The following CNBD2 variants were observed in gnomAD, a reference collection of about 807,000 sequenced individuals.
CNBD2 encodes the protein cyclic nucleotide-binding domain-containing protein 2.
CNBD2 carries 64 observed loss-of-function variants against 63.7 expected under a neutral mutation model. The ratio of observed to expected loss-of-function variants is 1.00; its 90% CI spans 0.82 to 1.24. The LOEUF is 1.24. Ranked by LOEUF, CNBD2 falls within the 50% of genes most tolerant of loss-of-function variation. CNBD2 has a pLI of 0.00. For missense variants in CNBD2, 691 were observed against 713.5 expected, an observed-to-expected ratio of 0.97 and a Z score of 0.36; for synonymous variants, 229 against 255.4, an observed-to-expected ratio of 0.90 and a Z score of 0.99.
chr20:35,963,799 A>G (rs1020656449), upstream of CNBD2, among the ~76,000 whole-genome samples: 1 of 152,160 alleles, frequency 6.6e-6, no homozygotes, highest in Non-Finnish European at 1.5e-5. Flanking sequence ...TAGGCTAGCT[A>G]TGGGCGGTGA....
intron 2 of CNBD2, among the ~76,000 whole-genome samples, chr20:35,960,961 C>A (rs897394380): frequency 2.7e-4 from 40 of 150,900 alleles, no homozygotes; most frequent in African/African-American, 9.5e-4. Flanking sequence ...TCTTTCCTCT[C>A]GCTCTGTCAC....
At chr20:35,967,603 G>A (rs572299854), upstream of CNBD2, among the ~76,000 whole-genome samples, 4 of 150,610 alleles carry the variant, frequency 2.7e-5, no homozygotes, top group East Asian at 7.8e-4. Context: ...CTGTAATCCC[G>A]GCACTTTGGG....
At chr20:35,964,050 C>A (rs1053620855), upstream of CNBD2, among the ~76,000 whole-genome samples, 6 of 152,254 alleles carry the variant, frequency 3.9e-5, no homozygotes, top group Non-Finnish European at 7.3e-5. Context: ...CTTGGCACAT[C>A]ACGTGCCATA....
At chr20:35,992,899 T>A (rs2056767192) in intron 7 of CNBD2, among the ~76,000 whole-genome samples, 1 of 152,048 alleles carries the variant, frequency 6.6e-6, no homozygotes, top group South Asian at 2.1e-4. Context: ...TGTAGTTTAC[T>A]CATATTACCA....
intron 7 of CNBD2, among the ~76,000 whole-genome samples, chr20:35,991,806 C>T (rs116722346): frequency 0.013 from 2,037 of 152,232 alleles, 44 homozygotes; most frequent in African/African-American, 0.047. Flanking sequence ...GCATTCCTCC[C>T]GCAATCCAGT....
chr20:36,002,264 G>A (rs980612143), intron 8 of CNBD2, among the ~76,000 whole-genome samples: 3 of 152,260 alleles, frequency 2.0e-5, no homozygotes, highest in Admixed American at 1.3e-4. Flanking sequence ...AGGCGTGGCG[G>A]TGCGCGCCTG....
At chr20:35,985,788 C>A (rs940142785) in intron 6 of CNBD2, among the ~76,000 whole-genome samples, 1 of 152,090 alleles carries the variant, frequency 6.6e-6, no homozygotes, top group South Asian at 2.1e-4. Flanking sequence ...GCGCCTGGCC[C>A]AAACTATAAT....
intron 10 of CNBD2, among the ~76,000 whole-genome samples, chr20:36,014,479 G>A (rs889353580): frequency 5.3e-5 from 8 of 151,320 alleles, no homozygotes; most frequent in African/African-American, 1.9e-4. Context: ...ACAGGCACAC[G>A]CCGCCATGCC....
At chr20:35,962,256 TC>T (rs1568840078) in intron 2 of CNBD2, among the ~76,000 whole-genome samples, 1 of 146,252 alleles carries the variant, frequency 6.8e-6, no homozygotes, top group Non-Finnish European at 1.5e-5. Flanking sequence ...CTCCCTGCAG[TC>T]TTTTTTTTTT....
At chr20:36,018,180 A>G (rs2057160510) in intron 10 of CNBD2, among the ~76,000 whole-genome samples, 4 of 152,174 alleles carry the variant, frequency 2.6e-5, no homozygotes, top group Admixed American at 2.0e-4. Context: ...CAGGGCACTA[A>G]GGGACAGGGA....
chr20:35,960,930 C>A (rs1242920392), intron 2 of CNBD2, among the ~76,000 whole-genome samples: 1 of 150,924 alleles, frequency 6.6e-6, no homozygotes, highest in Non-Finnish European at 1.5e-5. Context: ...GCTCTGTCGC[C>A]ACCCCCCTCC....
intron 8 of CNBD2, among the ~76,000 whole-genome samples, chr20:36,003,694 C>T (rs1025672415): frequency 2.0e-5 from 3 of 152,138 alleles, no homozygotes; most frequent in African/African-American, 7.2e-5. Context: ...AACTTAGCAA[C>T]TTAAAATAAC....
chr20:35,988,625 C>T (rs556124613), intron 7 of CNBD2, among the ~76,000 whole-genome samples: 1 of 152,274 alleles, frequency 6.6e-6, no homozygotes, highest in South Asian at 2.1e-4. Context: ...AGACTTTATT[C>T]AAAGGGGCCA....
rs1181599880 is a variant in CNBD2 at position 35,975,174 on chromosome 20, T to C, written c.190-775T>C. ...CCGCTACCACGCCCGGCTAATTTTT[T>C]GTATTTTTAGTAGAGACGGGGTTTC... On this transcript the variant is annotated intron_variant, in intron 2 of 11. Coordinates refer to ENST00000373973, the MANE Select transcript of CNBD2 (RefSeq NM_001365709.1). 3.5e-3 allele frequency among the ~76,000 whole-genome samples: 469 copies of C among 133,326 alleles called. 7 individuals carry two copies. The highest frequency in any genetic ancestry group is 0.013 in the African/African-American group (450 of 33,414). 87.5% of individuals were successfully genotyped at this position (133,326 alleles called of 152,430 possible). A position where few individuals can be genotyped will look rare whatever the true frequency, so the allele number is the denominator to read the frequency against.
chr20:36,019,668 G>A (rs1359202287), intron 10 of CNBD2, among the ~76,000 whole-genome samples: 1 of 152,070 alleles, frequency 6.6e-6, no homozygotes, highest in African/African-American at 2.4e-5. Flanking sequence ...AGGGCAGGGT[G>A]GCTGGAACAG....
chr20:36,009,596 C>T (rs1346680273), intron 9 of CNBD2, among the ~76,000 whole-genome samples: 1 of 152,102 alleles, frequency 6.6e-6, no homozygotes, highest in Non-Finnish European at 1.5e-5. Flanking sequence ...CTTTGGGCGG[C>T]TGAAGCGGGC....
At position 36,027,499 on chromosome 20, in the gene CNBD2, G is replaced by A. The variant is rs77736232; in HGVS notation, c.1440-2858G>A. ...CAGGAGGGTTACAGGATGATTTTAG[G>A]TGGCTCACAGATTGACGTTTTTAGT... On this transcript the variant is annotated intron_variant, in intron 11 of 11. Transcript: ENST00000373973. Among the ~76,000 whole-genome samples the A allele has an allele frequency of 6.0e-3, 920 of 152,208 alleles. 6 individuals carry two copies. Among genetic ancestry groups the A allele is most frequent in the African/African-American group, 0.021 (871 of 41,532 alleles).
At chr20:36,014,335 CTT>C (rs1226486585) in intron 10 of CNBD2, among the ~76,000 whole-genome samples, 17 of 142,700 alleles carry the variant, frequency 1.2e-4, no homozygotes, top group Non-Finnish European at 1.1e-4. Context: ...TTCTTTCTTT[CTT>C]TTTTTTTTTT....
chr20:35,997,909 G>T (rs1270139778), intron 8 of CNBD2, among the ~76,000 whole-genome samples: 1 of 152,048 alleles, frequency 6.6e-6, no homozygotes, highest in Non-Finnish European at 1.5e-5. Flanking sequence ...ATGTTATTCA[G>T]TTCAAAATAC....
Sources: allele counts gnomAD v4.1 joint callset (sites outside exome capture counted in the v4.1 genomes callset), GRCh38; gene constraint gnomAD v4.1.1; transcripts MANE v1.5; gene names NCBI Gene and HGNC (gene_info 2026-07-23, HGNC 2026-07-21).